The following LRP1B variants were observed in gnomAD, a reference collection of about 807,000 sequenced individuals.
The protein encoded by LRP1B is low-density lipoprotein receptor-related protein 1B.
A neutral mutation model predicts 556.6 loss-of-function variants in LRP1B; 217 were observed. The observed-to-expected ratio is 0.39, with a 90% CI of 0.35 to 0.44. The LOEUF (loss-of-function observed/expected upper bound fraction) is 0.44. Among genes scored for constraint, LRP1B ranks in the 20% least tolerant of loss-of-function variants. The probability of loss-of-function intolerance (pLI) is 1.00; values close to 1 mark genes in which losing one functional copy is unlikely to be tolerated. For missense variants in LRP1B, 5,053 were observed against 5,620.8 expected (o/e 0.90, Z 3.23); for synonymous variants, 2,047 against 1,865.8 (o/e 1.10, Z -2.50).
At chr2:141,180,796 A>C (rs1188319091) in intron 7 of LRP1B, among the ~76,000 whole-genome samples, 2 of 151,998 alleles carry the variant, frequency 1.3e-5, no homozygotes, top group African/African-American at 4.8e-5. Context: ...CCTTGGCTAA[A>C]AGGAAATGGA....
chr2:141,750,234 T>TCTCTAA (rs1694061182), intron 2 of LRP1B, among the ~76,000 whole-genome samples: 1 of 152,116 alleles, frequency 6.6e-6, no homozygotes, highest in Admixed American at 6.5e-5. Flanking sequence ...GAACTTCTTT[T>TCTCTAA]CTCTAACTTT....
At chr2:142,086,646 A>ACAAAC (rs1705943020) in intron 1 of LRP1B, among the ~76,000 whole-genome samples, 4 of 151,420 alleles carry the variant, frequency 2.6e-5, no homozygotes, top group African/African-American at 7.3e-5. Flanking sequence ...CAAACAAAAA[A>ACAAAC]AAAACACAAC....
Position 141,019,922 on chromosome 2 carries a change from C to T in LRP1B, c.1970G>A (p.Gly657Asp). The T allele has an allele frequency of 6.3e-7, 1 of 1,576,394 alleles. No homozygotes were observed. Among genetic ancestry groups the T allele is most frequent in the Non-Finnish European group, 8.6e-7 (1 of 1,159,366 alleles). The change falls in exon 12 of 91, where the codon GGT becomes GAT. Residue 657 changes from glycine to aspartate, a missense_variant and splice_region_variant. Coordinates refer to ENST00000389484, the MANE Select transcript of LRP1B (RefSeq NM_018557.3). ...ATAAAGCTAGTCAAATATTGCATAC[C>T]CATTAACTGGATCCACCACAATTCC... ...PRGIVVDPVN[G>D]WMYWTDWEED...
At chr2:140,258,276 T>C (rs1428592446) in intron 86 of LRP1B, among the ~76,000 whole-genome samples, 14 of 151,568 alleles carry the variant, frequency 9.2e-5, no homozygotes, top group African/African-American at 3.4e-4. Context: ...GTCCCTGTGG[T>C]ACTTACATAT....
chr2:142,033,209 T>C (rs6713809), intron 1 of LRP1B, among the ~76,000 whole-genome samples: 5 of 151,848 alleles, frequency 3.3e-5, no homozygotes, highest in African/African-American at 7.2e-5. Flanking sequence ...AGGACAATTT[T>C]GTATTAAGAT....
At chr2:140,420,426 G>C (rs1015945896) in intron 66 of LRP1B, among the ~76,000 whole-genome samples, 13 of 152,180 alleles carry the variant, frequency 8.5e-5, no homozygotes, top group African/African-American at 2.9e-4. Context: ...AATACTGCTA[G>C]TGGAAATGTA....
intron 6 of LRP1B, among the ~76,000 whole-genome samples, chr2:141,219,360 G>T (rs1682942125): frequency 6.6e-6 from 1 of 152,224 alleles, no homozygotes; most frequent in South Asian, 2.1e-4. Flanking sequence ...CTTTAGCTGG[G>T]ACCAGATCCA....
intron 1 of LRP1B, among the ~76,000 whole-genome samples, chr2:141,875,078 T>C (rs181953897): frequency 9.9e-5 from 15 of 151,932 alleles, no homozygotes; most frequent in Admixed American, 7.2e-4. Context: ...TGTCATTTTA[T>C]ATATCATATA....
intron 66 of LRP1B, among the ~76,000 whole-genome samples, chr2:140,390,156 G>C (rs1683953110): frequency 6.6e-6 from 1 of 151,688 alleles, no homozygotes; most frequent in Non-Finnish European, 1.5e-5. Context: ...AAAAAAAAAT[G>C]GAAATGCAAA....
At chr2:141,058,554 G>A (rs1226108009) in intron 9 of LRP1B, among the ~76,000 whole-genome samples, 2 of 151,800 alleles carry the variant, frequency 1.3e-5, no homozygotes, top group Admixed American at 6.6e-5. Context: ...TTTTAAATTT[G>A]TCTACCAAAA....
chr2:141,586,436 C>T (rs1034839400), intron 2 of LRP1B, among the ~76,000 whole-genome samples: 7 of 152,036 alleles, frequency 4.6e-5, no homozygotes, highest in Non-Finnish European at 8.8e-5. Flanking sequence ...TTAGAGATAG[C>T]TTTGGTCCAG....
chr2:142,124,921 T>C (rs1418231902), intron 1 of LRP1B, among the ~76,000 whole-genome samples: 1 of 151,754 alleles, frequency 6.6e-6, no homozygotes, highest in Non-Finnish European at 1.5e-5. Flanking sequence ...ATGGCTATTA[T>C]TTAATAGTTT....
chr2:141,363,153 T>C (rs1008520760), intron 3 of LRP1B, among the ~76,000 whole-genome samples: 4 of 152,222 alleles, frequency 2.6e-5, no homozygotes, highest in African/African-American at 4.8e-5. Context: ...TTCTGATATA[T>C]GACATACTTC....
intron 3 of LRP1B, among the ~76,000 whole-genome samples, chr2:141,349,908 G>T (rs1025592165): frequency 6.6e-6 from 1 of 152,068 alleles, no homozygotes; most frequent in Admixed American, 6.6e-5. Context: ...TGATGATAAA[G>T]ACACACCCAA....
At chr2:141,509,707 C>T (rs1684053569) in intron 2 of LRP1B, among the ~76,000 whole-genome samples, 1 of 151,904 alleles carries the variant, frequency 6.6e-6, no homozygotes, top group Non-Finnish European at 1.5e-5. Context: ...AGTAACAGGG[C>T]TATAAAATAA....
In LRP1B at chr2:141,733,274, T is replaced by A. The variant is rs114829092; in HGVS notation, c.205+77005A>T. Among the ~76,000 whole-genome samples the A allele has an allele frequency of 6.3e-3, 953 of 152,284 alleles. 8 individuals are homozygous for A. The highest frequency in any genetic ancestry group is 0.022 in the African/African-American group (919 of 41,584). On this transcript the variant is annotated intron_variant, in intron 2 of 90. Transcript: ENST00000389484. Reference sequence around the variant, plus strand: ...CAAGGTTCCAGTTGCCTGAATTAAATCTTTTGTTTTGAATTAATGTTTGAA... The same window carrying A: ...CAAGGTTCCAGTTGCCTGAATTAAAACTTTTGTTTTGAATTAATGTTTGAA...
At chr2:141,213,001 C>T (rs1452034720) in intron 6 of LRP1B, among the ~76,000 whole-genome samples, 2 of 152,288 alleles carry the variant, frequency 1.3e-5, no homozygotes, top group East Asian at 1.9e-4. Flanking sequence ...TAATCTCACT[C>T]TGTCTTTTAA....
chr2:142,001,973 A>G (rs1474830230), intron 1 of LRP1B, among the ~76,000 whole-genome samples: 1 of 152,154 alleles, frequency 6.6e-6, no homozygotes, highest in Non-Finnish European at 1.5e-5. Flanking sequence ...AACACTTTGA[A>G]CACTTACCCA....
chr2:140,753,218 AATTG>A (rs1488691361), intron 35 of LRP1B, among the ~76,000 whole-genome samples: 1 of 152,156 alleles, frequency 6.6e-6, no homozygotes, highest in East Asian at 1.9e-4. Context: ...AATACTTAAC[AATTG>A]ATGTTCAGCT....
Sources: allele counts gnomAD v4.1 joint callset (sites outside exome capture counted in the v4.1 genomes callset), GRCh38; gene constraint gnomAD v4.1.1; transcripts MANE v1.5; gene names NCBI Gene and HGNC (gene_info 2026-07-23, HGNC 2026-07-21).